The following NRG1 variants were observed in gnomAD, a reference collection of about 807,000 sequenced individuals.
NRG1 encodes the protein pro-neuregulin-1, membrane-bound isoform.
Under a neutral mutation model 63.8 loss-of-function variants are expected in NRG1, and 18 were observed. The observed-to-expected ratio is 0.28, with a 90% CI of 0.19 to 0.42. The LOEUF (loss-of-function observed/expected upper bound fraction) is 0.42. NRG1 is among the 10% of genes least tolerant of loss of function. NRG1 has a pLI of 1.00. For synonymous variants in NRG1, 302 were observed against 301.3 expected, an observed-to-expected ratio of 1.00 and a Z score of -0.02; for missense variants, 762 against 814.7, an observed-to-expected ratio of 0.94 and a Z score of 0.79.
chr8:32,589,982 G>A (rs1842243049), intron 1 of NRG1, among the ~76,000 whole-genome samples: 1 of 152,148 alleles, frequency 6.6e-6, no homozygotes, highest in Non-Finnish European at 1.5e-5. Flanking sequence ...TCCCTAAATT[G>A]TGTGACATAG....
intron 1 of NRG1, among the ~76,000 whole-genome samples, chr8:32,376,242 A>G (rs1236724729): frequency 6.6e-6 from 1 of 152,234 alleles, no homozygotes; most frequent in East Asian, 1.9e-4. Flanking sequence ...TATTCAGAGC[A>G]AAATGGAAAA....
At chr8:32,273,165 C>T (rs1486697303) in intron 1 of NRG1, among the ~76,000 whole-genome samples, 1 of 152,166 alleles carries the variant, frequency 6.6e-6, no homozygotes, top group Non-Finnish European at 1.5e-5. Context: ...TTCATGCACA[C>T]ATTCTTTGCT....
intron 1 of NRG1, among the ~76,000 whole-genome samples, chr8:31,738,167 C>T (rs1814883430): frequency 6.6e-6 from 1 of 152,002 alleles, no homozygotes; most frequent in African/African-American, 2.4e-5. Flanking sequence ...GGCCTATAAC[C>T]AAAGTCCTCA....
At chr8:32,601,936 T>A (rs1844434671) in intron 2 of NRG1, among the ~76,000 whole-genome samples, 1 of 152,186 alleles carries the variant, frequency 6.6e-6, no homozygotes, top group Admixed American at 6.5e-5. Flanking sequence ...AATAAGCATG[T>A]GGCTAATTAG....
At chr8:32,402,424 T>A (rs531420971) in intron 1 of NRG1, among the ~76,000 whole-genome samples, 60 of 148,772 alleles carry the variant, frequency 4.0e-4, no homozygotes, top group South Asian at 2.6e-3. Context: ...ATGGAAAATT[T>A]AAAAAAAAAA....
At chr8:32,468,932 T>C (rs577249245) in intron 1 of NRG1, among the ~76,000 whole-genome samples, 12 of 152,290 alleles carry the variant, frequency 7.9e-5, no homozygotes, top group African/African-American at 2.9e-4. Context: ...TCGATAGATA[T>C]CTTCTGAGCA....
chr8:31,673,870 TA>T (rs1270480445), intron 1 of NRG1, among the ~76,000 whole-genome samples: 1 of 126,100 alleles, frequency 7.9e-6, no homozygotes, highest in Non-Finnish European at 1.9e-5. Context: ...GTAAAATCTG[TA>T]AATTTAGAGT....
At chr8:32,027,899 G>T (rs1298794601) in intron 1 of NRG1, among the ~76,000 whole-genome samples, 3 of 152,088 alleles carry the variant, frequency 2.0e-5, no homozygotes, top group African/African-American at 7.2e-5. Flanking sequence ...TTCATTCCGG[G>T]TAGGAGCAGC....
chr8:31,732,500 A>T (rs1399496431), intron 1 of NRG1, among the ~76,000 whole-genome samples: 1 of 152,156 alleles, frequency 6.6e-6, no homozygotes. Context: ...TTTTTAAAAA[A>T]ATTATAAGTA....
chr8:31,821,008 T>C (rs1420868019), intron 1 of NRG1, among the ~76,000 whole-genome samples: 1 of 152,192 alleles, frequency 6.6e-6, no homozygotes, highest in Non-Finnish European at 1.5e-5. Context: ...TAAAATGGCA[T>C]AGTATTTGCA....
chr8:32,478,230 C>T (rs573500450), intron 1 of NRG1, among the ~76,000 whole-genome samples: 8 of 151,674 alleles, frequency 5.3e-5, no homozygotes, highest in Admixed American at 4.6e-4. Flanking sequence ...GGCCCTTAAG[C>T]AGGGAGGCAT....
intron 1 of NRG1, among the ~76,000 whole-genome samples, chr8:32,420,713 A>G (rs1172652773): frequency 6.6e-6 from 1 of 152,142 alleles, no homozygotes; most frequent in Non-Finnish European, 1.5e-5. Flanking sequence ...TTTTAATCCA[A>G]ATAGGGCTTT....
intron 1 of NRG1, among the ~76,000 whole-genome samples, chr8:31,814,101 G>T (rs954420587): frequency 2.0e-5 from 3 of 152,128 alleles, no homozygotes; most frequent in African/African-American, 7.2e-5. Context: ...ATGAAATGTA[G>T]CTGGAGCCAG....
chr8:31,919,144 A>G (rs1193218388), intron 1 of NRG1, among the ~76,000 whole-genome samples: 1 of 151,952 alleles, frequency 6.6e-6, no homozygotes, highest in Admixed American at 6.6e-5. Flanking sequence ...TGATCCTTTC[A>G]AAAAACCAGG....
intron 1 of NRG1, among the ~76,000 whole-genome samples, chr8:32,258,191 G>A (rs1299213928): frequency 6.6e-6 from 1 of 152,172 alleles, no homozygotes; most frequent in African/African-American, 2.4e-5. Context: ...ATTTACGTGT[G>A]AAGGAAGGAG....
intron 1 of NRG1, among the ~76,000 whole-genome samples, chr8:32,164,843 G>A (rs568497429): frequency 1.3e-5 from 2 of 152,076 alleles, no homozygotes; most frequent in South Asian, 4.2e-4. Context: ...TATGCCTTTG[G>A]GCCAATTGCT....
chr8:32,229,636 A>T (rs1373627440), intron 1 of NRG1, among the ~76,000 whole-genome samples: 1 of 152,162 alleles, frequency 6.6e-6, no homozygotes. Context: ...CCCTTGGCCA[A>T]CAAAAGAGAA....
chr8:32,047,184 T>A (rs1821146902), intron 1 of NRG1, among the ~76,000 whole-genome samples: 1 of 152,054 alleles, frequency 6.6e-6, no homozygotes, highest in Non-Finnish European at 1.5e-5. Flanking sequence ...TATCTGGAGC[T>A]GGTTAACTGA....
chr8:32,648,081 A>G (rs201379801), intron 5 of NRG1: 76 of 1,613,796 alleles, frequency 4.7e-5, no homozygotes, highest in African/African-American at 6.7e-5. Flanking sequence ...CCAGGACCCT[A>G]TTATTTCTCT....
Sources: gnomAD v4.1 joint callset for allele counts (sites outside exome capture counted in the v4.1 genomes callset) on GRCh38, gnomAD v4.1.1 for gene constraint, MANE v1.5 for transcripts, NCBI Gene and HGNC (gene_info 2026-07-23, HGNC 2026-07-21) for gene names.